CCDC191: variants seen among roughly 807,000 people sequenced by gnomAD.
CCDC191 encodes coiled-coil domain-containing protein 191.
In CCDC191, 99 loss-of-function variants were observed where a neutral mutation model predicts 114.0. The ratio of observed to expected loss-of-function variants is 0.87; its 90% CI spans 0.74 to 1.03. The LOEUF is 1.03. CCDC191 is among the 50% of genes least tolerant of loss of function. CCDC191 has a pLI of 0.00. For missense variants in CCDC191, 973 were observed against 1,087.0 expected (o/e 0.90, Z 1.47); for synonymous variants, 351 against 376.0 (o/e 0.93, Z 0.77).
chr3:114,052,183 T>C (rs1242068618), intron 2 of CCDC191, among the ~76,000 whole-genome samples: 1 of 151,988 alleles, frequency 6.6e-6, no homozygotes, highest in Non-Finnish European at 1.5e-5. Context: ...GACTTATTGG[T>C]TTTTTTCAAG....
At chr3:114,053,310 A>G (rs2076721581) in intron 2 of CCDC191, among the ~76,000 whole-genome samples, 1 of 152,172 alleles carries the variant, frequency 6.6e-6, no homozygotes, top group African/African-American at 2.4e-5. Flanking sequence ...TCCTCTCCCA[A>G]GGCTTCTTTT....
intron 11 of CCDC191, chr3:114,002,960 C>T (rs2075882709): frequency 1.0e-6 from 1 of 984,898 alleles, no homozygotes; most frequent in Non-Finnish European, 1.2e-6. Context: ...ATTGAATCTG[C>T]TAATTTTTCT....
intron 13 of CCDC191, among the ~76,000 whole-genome samples, chr3:113,999,717 A>G (rs1267021788): frequency 6.6e-6 from 1 of 152,188 alleles, no homozygotes; most frequent in Non-Finnish European, 1.5e-5. Flanking sequence ...GTAGAAACAA[A>G]AACTGTGTCA....
intron 7 of CCDC191, among the ~76,000 whole-genome samples, chr3:114,019,915 C>G (rs374938202): frequency 1.6e-4 from 25 of 152,258 alleles, no homozygotes; most frequent in African/African-American, 5.8e-4. Context: ...ACCCAACACA[C>G]TATATTGTAA....
chr3:113,968,175 G>GA (rs1940407104), intron 16 of CCDC191, among the ~76,000 whole-genome samples: 1 of 152,064 alleles, frequency 6.6e-6, no homozygotes, highest in Non-Finnish European at 1.5e-5. Context: ...GGATCATATG[G>GA]TAGTTCTAAT....
Position 114,016,906 on chromosome 3 carries a change from C to A in CCDC191, c.1163+1772G>T, listed in dbSNP as rs572922467. 3.1e-3 allele frequency among the ~76,000 whole-genome samples: 466 copies of A among 152,242 alleles called. 1 individual carries two copies. The highest frequency in any genetic ancestry group is 4.8e-3 in the Non-Finnish European group (327 of 68,012). On this transcript the variant is annotated intron_variant, in intron 8 of 16. Coordinates refer to ENST00000295878, the MANE Select transcript of CCDC191 (RefSeq NM_020817.2). ...TCCCTTCTTTATCCAACAAATCCTG[C>A]CAGCTATTCCTTTCTGAGTAAGCTA... is the stretch of plus-strand genomic sequence containing the variant.
rs1303811004 is a variant in CCDC191 at position 114,007,620 on chromosome 3, G to A, written c.1414-1658C>T. Among the ~76,000 whole-genome samples the A allele has an allele frequency of 3.3e-5, 5 of 152,068 alleles. No individual in the cohort carries two copies. In the East Asian group the frequency reaches 9.6e-4, roughly 29 times the overall value. On this transcript the variant is annotated intron_variant, in intron 9 of 16. Coordinates refer to ENST00000295878, the MANE Select transcript of CCDC191 (RefSeq NM_020817.2). ...TGAGTAAAGCGACAGGGTTTCTTTT[G>A]GATCATGGTAACTTTTTAACATGAA...
At chr3:113,976,760 T>G (rs974018659) in intron 16 of CCDC191, among the ~76,000 whole-genome samples, 2 of 152,180 alleles carry the variant, frequency 1.3e-5, no homozygotes, top group Admixed American at 1.3e-4. Flanking sequence ...TCTGTTGCTA[T>G]CCTCATTTTA....
intron 1 of CCDC191, among the ~76,000 whole-genome samples, chr3:114,054,876 C>G (rs2076746269): frequency 1.3e-5 from 2 of 152,238 alleles, no homozygotes; most frequent in South Asian, 4.1e-4. Flanking sequence ...GAGTTATCTT[C>G]TTCACTAAAA....
chr3:114,006,200 G>A (rs2075956295), intron 9 of CCDC191, among the ~76,000 whole-genome samples: 1 of 152,098 alleles, frequency 6.6e-6, no homozygotes, highest in Non-Finnish European at 1.5e-5. Flanking sequence ...TGTAATCCCA[G>A]CACGTTGGGA....
chr3:113,997,066 A>C, intron 13 of CCDC191, among the ~76,000 whole-genome samples: 1 of 152,188 alleles, frequency 6.6e-6, no homozygotes, highest in East Asian at 1.9e-4. Context: ...ATGGAACTGT[A>C]CATTAACACT....
intron 13 of CCDC191, among the ~76,000 whole-genome samples, chr3:113,981,341 A>G (rs2075142389): frequency 6.6e-6 from 1 of 152,202 alleles, no homozygotes; most frequent in Non-Finnish European, 1.5e-5. Flanking sequence ...TAATACACTG[A>G]GAAAAGACAC....
At chr3:114,028,868 T>G (rs2076363035) in intron 7 of CCDC191, among the ~76,000 whole-genome samples, 1 of 151,104 alleles carries the variant, frequency 6.6e-6, no homozygotes, top group Non-Finnish European at 1.5e-5. Flanking sequence ...GCTGAACTCA[T>G]GGATTTTAAT....
intron 13 of CCDC191, among the ~76,000 whole-genome samples, chr3:113,993,478 A>C (rs924452114): frequency 2.0e-5 from 3 of 152,218 alleles, no homozygotes; most frequent in Admixed American, 1.3e-4. Flanking sequence ...CAAATATATA[A>C]AAATAATTTA....
chr3:114,052,727 T>C (rs2107766697), intron 2 of CCDC191, among the ~76,000 whole-genome samples: 1 of 152,334 alleles, frequency 6.6e-6, no homozygotes, highest in Admixed American at 6.5e-5. Context: ...TAGTAGGCAC[T>C]CAAATACCAG....
At chr3:114,025,221 T>C (rs570852034) in intron 7 of CCDC191, among the ~76,000 whole-genome samples, 5 of 150,430 alleles carry the variant, frequency 3.3e-5, no homozygotes, top group Non-Finnish European at 7.4e-5. Flanking sequence ...ATTTTACTTC[T>C]ATATTAAATT....
rs2075946603 is a variant in CCDC191 at position 114,005,799 on chromosome 3, T to G, written c.1577A>C (p.Glu526Ala). The G allele has an allele frequency of 1.2e-6, 2 of 1,613,962 alleles. No homozygotes were observed. Among genetic ancestry groups the G allele is most frequent in the Admixed American group, 1.7e-5 (1 of 59,988 alleles). ...GNKQHKTLGA[E>A]PSQQPGSNET... ...GTTGCTGCCAGGCTGTTGAGAGGGT[T>G]CAGCACCCAGGGTCTTGTGCTGCTT... The change falls in exon 10 of 17, where the codon GAA becomes GCA. Residue 526 changes from glutamate to alanine, a missense_variant. Transcript: ENST00000295878.
chr3:114,021,603 A>C (rs942126294), intron 7 of CCDC191, among the ~76,000 whole-genome samples: 2 of 152,102 alleles, frequency 1.3e-5, no homozygotes, highest in Admixed American at 1.3e-4. Flanking sequence ...CTCTGGAAAA[A>C]GTTGCTAGTT....
At chr3:113,968,984 C>T (rs903700411) in intron 16 of CCDC191, among the ~76,000 whole-genome samples, 1 of 152,160 alleles carries the variant, frequency 6.6e-6, no homozygotes, top group Non-Finnish European at 1.5e-5. Flanking sequence ...CTTCAGGCTG[C>T]TTCCAGTCAT....
Sources: allele counts gnomAD v4.1 joint callset (sites outside exome capture counted in the v4.1 genomes callset), GRCh38; gene constraint gnomAD v4.1.1; transcripts MANE v1.5; gene names NCBI Gene and HGNC (gene_info 2026-07-23, HGNC 2026-07-21).